CLCN7: variants seen among roughly 807,000 people sequenced by gnomAD.
The protein encoded by CLCN7 is H(+)/Cl(-) exchange transporter 7.
A neutral mutation model predicts 102.1 loss-of-function variants in CLCN7; 60 were observed. That is an observed-to-expected ratio of 0.59 (90% CI 0.48 to 0.73). CLCN7 has a LOEUF of 0.73. Ranked by LOEUF, CLCN7 falls within the 30% of genes least tolerant of loss-of-function variation. The pLI is 0.00. For missense variants in CLCN7, 962 were observed against 1,125.7 expected (o/e 0.85, Z 2.08); for synonymous variants, 560 against 490.5 (o/e 1.14, Z -1.87).
chr16:1,465,455 G>T, intron 1 of CLCN7, 117 bp from the exon 2 acceptor site: 1 of 937,632 alleles, frequency 1.1e-6, no homozygotes, highest in Non-Finnish European at 1.7e-6. Context: ...GCTCAGGAAT[G>T]GGCTAGGCCA....
chr16:1,465,905 G>T (rs1290809507), intron 1 of CLCN7, among the ~76,000 whole-genome samples: 1 of 152,230 alleles, frequency 6.6e-6, no homozygotes, highest in Non-Finnish European at 1.5e-5. Flanking sequence ...GGGCAGGGCA[G>T]CGGGCCCTGG....
intron 13 of CLCN7, 83 bp downstream of exon 13, chr16:1,454,328 G>A (rs1456310394): frequency 1.4e-6 from 2 of 1,431,122 alleles, no homozygotes; most frequent in Non-Finnish European, 2.0e-6. Context: ...GGGAGCCACA[G>A]CCTCCAGTCC....
At chr16:1,456,020 CCCT>C (rs2038829695) in intron 10 of CLCN7, 90 bp downstream of exon 10, 6 of 1,172,678 alleles carry the variant, frequency 5.1e-6, no homozygotes, top group South Asian at 4.0e-5. Flanking sequence ...GCCTCTGCCA[CCCT>C]CAGCGGGCAC....
rs1469769771 is a variant in CLCN7, at chr16:1,445,612, A to AGGT, written c.*1016_*1018dup. On this transcript the variant is annotated 3_prime_UTR_variant, in exon 25 of 25. Coordinates refer to ENST00000382745, the MANE Select transcript of CLCN7 (RefSeq NM_001287.6). ...CCAGAGGAGCCTCCCAGGGGCCCTCAGGTGGTGAGGTGGGGGCTTCCCGGC... is the reference window on the plus strand; with the variant it reads ...CCAGAGGAGCCTCCCAGGGGCCCTCAGGTGGTGGTGAGGTGGGGGCTTCCCGGC... 1 of 152,426 alleles carries AGGT rather than the reference A, an allele frequency of 6.6e-6. No individual in the cohort carries two copies. Among genetic ancestry groups the AGGT allele is most frequent in the African/African-American group, 2.4e-5 (1 of 41,458 alleles). The allele number at this position is 152,426 out of a possible 1,614,324, so 9.4% of individuals were successfully genotyped here.
In CLCN7 at chr16:1,447,065, A is replaced by G; in HGVS notation, c.2272T>C (p.Phe758Leu). 6.2e-7 allele frequency: 1 copy of G among 1,602,232 alleles called. No homozygotes were observed. The highest frequency in any genetic ancestry group is 1.3e-5 in the African/African-American group (1 of 74,878). The change falls in exon 24 of 25, where the codon TTC becomes CTC. Residue 758 changes from phenylalanine to leucine, a missense_variant. Phe to Leu is a conservative substitution (Grantham distance 22, BLOSUM62 0). Transcript: ENST00000382745. ...AGGCCCAGGGCCCGGAACAGCTTGA[A>G]CACCCGTGGGAGCGACGCCTCCTGC... The part of the protein sequence containing the change: ...VPQEASLPRV[F>L]KLFRALGLRH...
At chr16:1,454,835 G>A (rs2038808833) in intron 12 of CLCN7, among the ~76,000 whole-genome samples, 1 of 152,184 alleles carries the variant, frequency 6.6e-6, no homozygotes, top group Non-Finnish European at 1.5e-5. Flanking sequence ...AACTAGGCCT[G>A]AGCCCACCTG....
chr16:1,453,695 C>T (rs1032138136), intron 14 of CLCN7, 139 bp downstream of exon 14: 55 of 835,780 alleles, frequency 6.6e-5, no homozygotes, highest in Non-Finnish European at 1.1e-4. Context: ...ACCGGGGAAA[C>T]CATCAGGAAG....
chr16:1,471,363 G>C (rs1320807709), intron 1 of CLCN7, among the ~76,000 whole-genome samples: 1 of 152,176 alleles, frequency 6.6e-6, no homozygotes, highest in Non-Finnish European at 1.5e-5. Flanking sequence ...CCGTCAGCAG[G>C]GGATGGCCTG....
rs762052349 is a variant in CLCN7, at chr16:1,448,484, C to T, written c.1884G>A (p.Arg628=). Residue 628 remains arginine (R), a splice_region_variant and synonymous_variant, in exon 21 of 25, where the codon AGG becomes AGA. Transcript: ENST00000382745. ...AGGTCACTGGTGTGCTCATCACCTC[C>T]CTGCCGGAGGAGCCCGGCCACACAT... The part of the protein sequence containing the change: ...APVTSHSLTA[R]EVMSTPVTCL... 3.1e-6 allele frequency: 5 copies of T among 1,609,288 alleles called. No individual in the cohort carries two copies. In the Admixed American group the frequency reaches 6.7e-5, roughly 21 times the overall value.
Position 1,459,122 on chromosome 16 carries a change from G to C in CLCN7, c.660C>G (p.His220Gln). The C allele has an allele frequency of 1.2e-6, 2 of 1,611,596 alleles. No individual in the cohort carries two copies. Among genetic ancestry groups the C allele is most frequent in the South Asian group, 1.1e-5 (1 of 90,958 alleles). The change falls in exon 7 of 25, where the codon CAC (histidine) becomes CAG (glutamine). Residue 220 changes from histidine (H) to glutamine (Q), a missense_variant. By Grantham distance (24) the His-to-Gln change is conservative. Transcript: ENST00000382745. The part of the protein sequence containing the change: ...KCFLNGVKIP[H>Q]VVRLKTLVIK... ...GCACCCTCACCTTGAGCCGCACCAC[G>C]TGGGGGATCTTCACCCCGTTGAGGA...
At position 1,474,149 on chromosome 16, in the gene CLCN7, A is replaced by T. The variant is rs1384665271; in HGVS notation, c.141+685T>A. 5 of 456,014 alleles carry T rather than the reference A, an allele frequency of 1.1e-5. No individual in the cohort carries two copies. In the East Asian group the frequency reaches 3.5e-4, roughly 32 times the overall value. The allele number at this position is 456,014 out of a possible 1,614,324, so 28.2% of individuals were successfully genotyped here. ...ACAAATGTACCCGCAACGGTTCTCC[A>T]GACCTTAACACTGCTCAGACGCACG... On this transcript the variant is annotated intron_variant, in intron 1 of 24. Transcript: ENST00000382745.
At chr16:1,463,468 A>T (rs2038966154) in intron 2 of CLCN7, among the ~76,000 whole-genome samples, 1 of 152,102 alleles carries the variant, frequency 6.6e-6, no homozygotes, top group Non-Finnish European at 1.5e-5. Context: ...ACCTCATCTC[A>T]AAGAATAGTA....
Position 1,446,276 on chromosome 16 carries a change from G to A in CLCN7, c.*355C>T, listed in dbSNP as rs886051696. On this transcript the variant is annotated 3_prime_UTR_variant, in exon 25 of 25. Coordinates refer to ENST00000382745, the MANE Select transcript of CLCN7 (RefSeq NM_001287.6). ...AGCAGGGGCAAGGGCTCTGTCTCACGCACACGGGCACAGGCACGCAGGTGC... is the reference window on the plus strand; with the variant it reads ...AGCAGGGGCAAGGGCTCTGTCTCACACACACGGGCACAGGCACGCAGGTGC... The A allele has an allele frequency of 4.9e-5, 34 of 693,868 alleles. No homozygotes were observed. Among genetic ancestry groups the A allele is most frequent in the Middle Eastern group, 6.7e-4 (2 of 3,002 alleles). The allele number at this position is 693,868 out of a possible 1,614,324, so 43.0% of individuals were successfully genotyped here.
chr16:1,465,989 G>A (rs1200503785), intron 1 of CLCN7, among the ~76,000 whole-genome samples: 3 of 152,358 alleles, frequency 2.0e-5, no homozygotes, highest in South Asian at 4.1e-4. Flanking sequence ...AAGGCGCTGA[G>A]GCCAGGCTAG....
chr16:1,448,168 C>T (rs1299571486), intron 21 of CLCN7, 187 bp downstream of exon 21: 3 of 798,742 alleles, frequency 3.8e-6, no homozygotes, highest in African/African-American at 3.4e-5. Context: ...CAGGCCGCAG[C>T]CCCCCCCACC....
chr16:1,453,938 TGCGGGCCTCCGCCC>T, intron 13 of CLCN7, 44 bp from the exon 14 acceptor site: 2 of 1,598,902 alleles, frequency 1.3e-6, no homozygotes, highest in Non-Finnish European at 1.7e-6. Flanking sequence ...GGAGGAAAAG[TGCGGGCCTCCGCCC>T]GCCGGCTCCC....
intron 1 of CLCN7, 109 bp from the exon 2 acceptor site, chr16:1,465,447 T>C: frequency 1.0e-6 from 1 of 998,426 alleles, no homozygotes; most frequent in South Asian, 1.4e-5. Context: ...GCCCGGGAGC[T>C]CAGGAATGGG....
chr16:1,456,689 A>G (rs1409895681), intron 9 of CLCN7, among the ~76,000 whole-genome samples: 3 of 151,824 alleles, frequency 2.0e-5, no homozygotes, highest in Non-Finnish European at 4.4e-5. Context: ...AAATACAAAA[A>G]ACTTAGCCAG....
In CLCN7 at chr16:1,455,270, ACCAGCG is replaced by A. The variant is rs1344606029; in HGVS notation, c.982-26_982-21del. 1.4e-6 allele frequency: 2 copies of A among 1,473,308 alleles called. No individual in the cohort carries two copies. Among genetic ancestry groups the A allele is most frequent in the African/African-American group, 1.4e-5 (1 of 72,144 alleles). 91.3% of individuals were successfully genotyped at this position (1,473,308 alleles called of 1,614,324 possible). A position where few individuals can be genotyped will look rare whatever the true frequency, so the allele number is the denominator to read the frequency against. On this transcript the variant is annotated intron_variant, in intron 11 of 24. Coordinates refer to ENST00000382745, the MANE Select transcript of CLCN7 (RefSeq NM_001287.6). ...AAAGAACTGCGGCAGAGGGCAGGAAACCAGCGCCCTCAGAGCCACGCTCCCAGCCCA... is the reference window on the plus strand; with the variant it reads ...AAAGAACTGCGGCAGAGGGCAGGAAACCCTCAGAGCCACGCTCCCAGCCCA...
Sources: gnomAD v4.1 joint callset for allele counts (sites outside exome capture counted in the v4.1 genomes callset) on GRCh38, gnomAD v4.1.1 for gene constraint, MANE v1.5 for transcripts, NCBI Gene and HGNC (gene_info 2026-07-23, HGNC 2026-07-21) for gene names.